Variants in PRSS12 observed in about 807,000 individuals in gnomAD.
PRSS12 encodes serine protease 12.
PRSS12 carries 85 observed loss-of-function variants against 104.4 expected under a neutral mutation model. That is an observed-to-expected ratio of 0.81 (90% CI 0.68 to 0.98). The LOEUF (loss-of-function observed/expected upper bound fraction) is 0.98. PRSS12 is among the 50% of genes least tolerant of loss of function. The pLI, the probability that PRSS12 is intolerant of heterozygous loss-of-function variation, is 0.00. For missense variants in PRSS12, 1,141 were observed against 1,139.2 expected (o/e 1.00, Z -0.02); for synonymous variants, 454 against 425.2 (o/e 1.07, Z -0.83).
chr4:118,341,625 C>T (rs962884861), intron 1 of PRSS12, among the ~76,000 whole-genome samples: 15 of 151,740 alleles, frequency 9.9e-5, no homozygotes, highest in Admixed American at 5.2e-4. Flanking sequence ...GAGGTTGCGG[C>T]GAGCCGAGAT....
chr4:118,319,959 G>A (rs554882229), intron 4 of PRSS12, among the ~76,000 whole-genome samples: 2 of 152,252 alleles, frequency 1.3e-5, no homozygotes, highest in South Asian at 2.1e-4. Context: ...TTACAAGTAC[G>A]AGCCACCATG....
At chr4:118,285,124 T>C (rs998075415) in intron 11 of PRSS12, among the ~76,000 whole-genome samples, 7 of 152,214 alleles carry the variant, frequency 4.6e-5, no homozygotes, top group African/African-American at 1.7e-4. Context: ...ATTTGGCTTA[T>C]ATAGCCACCT....
intron 11 of PRSS12, among the ~76,000 whole-genome samples, chr4:118,283,433 T>A (rs1578899840): frequency 6.6e-6 from 1 of 152,206 alleles, no homozygotes; most frequent in South Asian, 2.1e-4. Context: ...AAAATTATTG[T>A]CCTGTGTTGT....
chr4:118,281,739 GATTAT>G lies in PRSS12; in HGVS notation c.*192_*196del. ...TTAGGGTAGAAAATGTTCATTTAAG[GATTAT>G]CACTTCCACTACACTGAGGCCTCTG... On this transcript the variant is annotated 3_prime_UTR_variant, in exon 13 of 13. Coordinates refer to ENST00000296498, the MANE Select transcript of PRSS12 (RefSeq NM_003619.4). 1.6e-6 allele frequency: 1 copy of G among 609,470 alleles called. No homozygotes were observed. Among genetic ancestry groups the G allele is most frequent in the Non-Finnish European group, 2.9e-6 (1 of 340,660 alleles). 37.8% of individuals were successfully genotyped at this position (609,470 alleles called of 1,614,324 possible).
At chr4:118,318,287 G>A in intron 5 of PRSS12, 91 bp downstream of exon 5, 1 of 1,221,394 alleles carries the variant, frequency 8.2e-7, no homozygotes, top group Non-Finnish European at 1.2e-6. Context: ...TGCTCATTTG[G>A]TAATGTTGAA....
intron 7 of PRSS12, 39 bp downstream of exon 7, chr4:118,313,162 C>G: frequency 6.2e-7 from 1 of 1,607,194 alleles, no homozygotes; most frequent in Non-Finnish European, 8.5e-7. Context: ...GCAATGGCTA[C>G]TGAATGATGG....
intron 4 of PRSS12, 51 bp downstream of exon 4, chr4:118,331,665 G>A (rs1360277319): frequency 2.5e-6 from 4 of 1,611,068 alleles, no homozygotes; most frequent in Non-Finnish European, 1.7e-6. Context: ...TTTGGGTATG[G>A]AAATAATAAG....
In PRSS12 at chr4:118,294,839, T is replaced by C. The variant is rs569534838; in HGVS notation, c.2039+100A>G. The C allele has an allele frequency of 8.2e-5, 125 of 1,523,610 alleles. 1 individual carries two copies. The African/African-American group carries it at 1.4e-3, about 17-fold the overall frequency. The allele number at this position is 1,523,610 out of a possible 1,614,324, so 94.4% of individuals were successfully genotyped here. A position where few individuals can be genotyped will look rare whatever the true frequency, so the allele number is the denominator to read the frequency against. ...TGCTGGCACAAGCAGCGAAAGCTCA[T>C]AGCCTGGCTCTGACACCTTGAGTGC... is the stretch of plus-strand genomic sequence containing the variant. On this transcript the variant is annotated intron_variant, in intron 11 of 12. Coordinates refer to ENST00000296498, the MANE Select transcript of PRSS12 (RefSeq NM_003619.4).
In PRSS12 at chr4:118,281,032, T is replaced by A. The variant is rs1025703450; in HGVS notation, c.*904A>T. The A allele has an allele frequency of 1.3e-5, 2 of 152,248 alleles. No individual in the cohort carries two copies. The highest frequency in any genetic ancestry group is 2.9e-5 in the Non-Finnish European group (2 of 68,060). The allele number at this position is 152,248 out of a possible 1,614,324, so 9.4% of individuals were successfully genotyped here. A position where few individuals can be genotyped will look rare whatever the true frequency, so the allele number is the denominator to read the frequency against. On this transcript the variant is annotated 3_prime_UTR_variant, in exon 13 of 13. Coordinates refer to ENST00000296498, the MANE Select transcript of PRSS12 (RefSeq NM_003619.4). ...CCAGGAAAGCATTTTGACTAGTATA[T>A]TTTAAGATTGGATTGTATCAGGTTG...
chr4:118,347,415 A>G (rs555377091), intron 1 of PRSS12, among the ~76,000 whole-genome samples: 74 of 152,324 alleles, frequency 4.9e-4, no homozygotes, highest in African/African-American at 1.7e-3. Context: ...TTGGGTGGGT[A>G]GGTGCACATG....
chr4:118,336,969 G>T (rs1202518797), intron 2 of PRSS12, among the ~76,000 whole-genome samples: 1 of 152,100 alleles, frequency 6.6e-6, no homozygotes, highest in African/African-American at 2.4e-5. Flanking sequence ...CACTTTATAG[G>T]CTCTGGCCTT....
intron 11 of PRSS12, among the ~76,000 whole-genome samples, chr4:118,288,880 T>C (rs1028925179): frequency 2.0e-5 from 3 of 152,212 alleles, no homozygotes; most frequent in African/African-American, 7.2e-5. Context: ...ATTCCATGTG[T>C]ATTGCATTAA....
chr4:118,326,863 T>A (rs1723784855), intron 4 of PRSS12, among the ~76,000 whole-genome samples: 1 of 152,206 alleles, frequency 6.6e-6, no homozygotes, highest in African/African-American at 2.4e-5. Flanking sequence ...AGGCTATCTT[T>A]GTTGTAAAGT....
At chr4:118,285,158 G>A (rs1007001526) in intron 11 of PRSS12, among the ~76,000 whole-genome samples, 6 of 152,104 alleles carry the variant, frequency 3.9e-5, no homozygotes, top group African/African-American at 1.4e-4. Flanking sequence ...AATATTAATA[G>A]TTAATCTGTG....
intron 11 of PRSS12, among the ~76,000 whole-genome samples, chr4:118,286,642 T>TAA (rs1287248760): frequency 6.6e-6 from 1 of 152,230 alleles, no homozygotes; most frequent in Non-Finnish European, 1.5e-5. Context: ...AATAAATGTA[T>TAA]AATGAATGAG....
At chr4:118,309,709 G>T (rs1183107022) in intron 7 of PRSS12, among the ~76,000 whole-genome samples, 2 of 152,190 alleles carry the variant, frequency 1.3e-5, no homozygotes, top group East Asian at 3.8e-4. Flanking sequence ...TAAGGATTTA[G>T]GGAATACAAT....
At position 118,316,214 on chromosome 4, in the gene PRSS12, A is replaced by G. The variant is rs779480538; in HGVS notation, c.1260T>C (p.Asn420=). Residue 420 remains asparagine, a synonymous_variant, in exon 6 of 13, where the codon AAT becomes AAC. Coordinates refer to ENST00000296498, the MANE Select transcript of PRSS12 (RefSeq NM_003619.4). ...TVCDDGWTEL[N]TYVVCRQLGF... is the part of the protein sequence containing the mutation. ...CCAATTGTCGACAAACCACGTATGT[A>G]TTCAGCTCAGTCCAGCCATCATCAC... is the stretch of plus-strand genomic sequence containing the variant. The G allele has an allele frequency of 6.2e-7, 1 of 1,614,110 alleles. No homozygotes were observed. The highest frequency in any genetic ancestry group is 8.5e-7 in the Non-Finnish European group (1 of 1,180,004).
At chr4:118,285,745 A>T (rs1009845236) in intron 11 of PRSS12, among the ~76,000 whole-genome samples, 1 of 152,206 alleles carries the variant, frequency 6.6e-6, no homozygotes, top group South Asian at 2.1e-4. Flanking sequence ...TTTTGCAATG[A>T]TAATATTTTA....
chr4:118,298,937 C>T lies in PRSS12; in HGVS notation c.1633G>A (p.Gly545Ser), dbSNP rs781496371. The T allele has an allele frequency of 1.9e-6, 3 of 1,614,030 alleles. No individual in the cohort carries two copies. Among genetic ancestry groups the T allele is most frequent in the Non-Finnish European group, 2.5e-6 (3 of 1,179,980 alleles). ...GCCATGGTTCTTGCTCTGGCAGGAC[C>T]CCTGAAGACAGAACATTCTTAATCA... ...AVICRQLGYKGPARARTMAYF... is the reference protein window; with the variant it reads ...AVICRQLGYKSPARARTMAYF... The change falls in exon 9 of 13, where the codon GGT becomes AGT. Residue 545 changes from glycine (G) to serine (S), a missense_variant and splice_region_variant. Physicochemically the swap from Gly to Ser is moderately conservative, Grantham distance 56. Transcript: ENST00000296498.
Sources: allele counts gnomAD v4.1 joint callset (sites outside exome capture counted in the v4.1 genomes callset), GRCh38; gene constraint gnomAD v4.1.1; transcripts MANE v1.5; gene names NCBI Gene and HGNC (gene_info 2026-07-23, HGNC 2026-07-21).